CEMIP: variants seen among roughly 807,000 people sequenced by gnomAD.
CEMIP encodes cell migration inducing hyaluronidase 1.
CEMIP carries 105 observed loss-of-function variants against 156.9 expected under a neutral mutation model. The ratio of observed to expected loss-of-function variants is 0.67; its 90% confidence interval spans 0.57 to 0.79. The LOEUF (loss-of-function observed/expected upper bound fraction) is 0.79, where lower values mean the gene tolerates loss of function less well. CEMIP is among the 30% of genes least tolerant of loss of function. The probability of loss-of-function intolerance (pLI) is 0.00; values close to 1 mark genes in which losing one functional copy is unlikely to be tolerated. For missense variants in CEMIP, 1,457 were observed against 1,769.4 expected (o/e 0.82, Z 3.17); for synonymous variants, 676 against 668.4 (o/e 1.01, Z -0.17).
intron 3 of CEMIP, among the ~76,000 whole-genome samples, chr15:80,875,919 G>C (rs933630128): frequency 6.6e-6 from 1 of 152,162 alleles, no homozygotes; most frequent in Non-Finnish European, 1.5e-5. Flanking sequence ...TGTGGTGTCA[G>C]AGCTTCTGGA....
At chr15:80,819,513 A>C (rs1050144444) in intron 1 of CEMIP, among the ~76,000 whole-genome samples, 1 of 152,242 alleles carries the variant, frequency 6.6e-6, no homozygotes. Flanking sequence ...TGATCATGAC[A>C]GGATGTGACC....
intron 10 of CEMIP, among the ~76,000 whole-genome samples, chr15:80,889,962 C>T (rs1486569589): frequency 6.6e-6 from 1 of 152,206 alleles, no homozygotes; most frequent in Non-Finnish European, 1.5e-5. Context: ...GCAGGCCAGG[C>T]CAGCCCAGAT....
At chr15:80,812,346 C>T (rs537406166) in intron 1 of CEMIP, among the ~76,000 whole-genome samples, 50 of 152,290 alleles carry the variant, frequency 3.3e-4, no homozygotes, top group African/African-American at 1.2e-3. Context: ...GCTTCTAGGT[C>T]ATTTCCATAG....
chr15:80,880,624 T>C (rs1596154171), intron 5 of CEMIP, among the ~76,000 whole-genome samples: 1 of 152,136 alleles, frequency 6.6e-6, no homozygotes, highest in East Asian at 1.9e-4. Flanking sequence ...TTAGTAGAGA[T>C]GGAGTTTCAC....
intron 1 of CEMIP, among the ~76,000 whole-genome samples, chr15:80,783,791 C>T (rs2141557705): frequency 6.6e-6 from 1 of 152,338 alleles, no homozygotes; most frequent in South Asian, 2.1e-4. Flanking sequence ...TGGCACCAGG[C>T]TTTGTTCAAG....
chr15:80,920,927 A>C, intron 15 of CEMIP, 105 bp from the exon 16 acceptor site: 2 of 841,200 alleles, frequency 2.4e-6, no homozygotes, highest in Non-Finnish European at 4.0e-6. Flanking sequence ...CTCTGATAAG[A>C]GACTATCAGG....
intron 21 of CEMIP, among the ~76,000 whole-genome samples, chr15:80,930,797 G>A (rs530984330): frequency 5.5e-4 from 84 of 152,238 alleles, no homozygotes; most frequent in Non-Finnish European, 1.1e-3. Flanking sequence ...CTCTCCCTGT[G>A]GGCAGATATT....
At chr15:80,904,623 G>C (rs1223893425) in intron 12 of CEMIP, among the ~76,000 whole-genome samples, 2 of 152,210 alleles carry the variant, frequency 1.3e-5, no homozygotes, top group East Asian at 3.9e-4. Context: ...TCAGAAGAAA[G>C]TGACGTGATG....
At chr15:80,787,000 G>C (rs1426324055) in intron 1 of CEMIP, among the ~76,000 whole-genome samples, 1 of 152,228 alleles carries the variant, frequency 6.6e-6, no homozygotes, top group Non-Finnish European at 1.5e-5. Context: ...GGCTTGAAAA[G>C]AGGAGGCAAG....
chr15:80,942,230 T>G, intron 26 of CEMIP, 21 bp from the exon 27 acceptor site: 1 of 1,600,324 alleles, frequency 6.2e-7, no homozygotes, highest in Non-Finnish European at 8.6e-7. Context: ...ACAATTACAT[T>G]GGGTTCTATG....
chr15:80,820,512 A>C (rs1896886496), intron 1 of CEMIP, among the ~76,000 whole-genome samples: 1 of 152,214 alleles, frequency 6.6e-6, no homozygotes, highest in Non-Finnish European at 1.5e-5. Flanking sequence ...ATCAGTTACA[A>C]GGAGTAGCAG....
At chr15:80,827,810 A>G (rs773942807) in intron 1 of CEMIP, among the ~76,000 whole-genome samples, 1 of 152,154 alleles carries the variant, frequency 6.6e-6, no homozygotes, top group South Asian at 2.1e-4. Flanking sequence ...TCCTCCCTCC[A>G]TCTCCCTCAA....
chr15:80,836,789 G>A (rs1484586956), intron 1 of CEMIP, among the ~76,000 whole-genome samples: 2 of 152,124 alleles, frequency 1.3e-5, no homozygotes, highest in African/African-American at 4.8e-5. Flanking sequence ...TTATCCAACA[G>A]GGCATTCAGC....
At position 80,884,241 on chromosome 15, in the gene CEMIP, T is replaced by C. The variant is rs1390345535; in HGVS notation, c.684T>C (p.Asp228=). 1.2e-5 allele frequency: 20 copies of C among 1,614,110 alleles called. No homozygotes were observed. Among genetic ancestry groups the C allele is most frequent in the East Asian group, 4.5e-5 (2 of 44,892 alleles). The change falls in exon 7 of 30, where the codon GAT becomes GAC. Residue 228 remains aspartate (D), a synonymous_variant. Transcript: ENST00000394685. ...RLVQYLNAVP[D]GRILSVAVND... ...TCCAGTATTTGAACGCGGTGCCCGA[T>C]GGCAGGATCCTTTCTGTTGCAGTGA...
chr15:80,840,911 G>T (rs565025241), intron 1 of CEMIP, among the ~76,000 whole-genome samples: 3 of 152,342 alleles, frequency 2.0e-5, no homozygotes, highest in Non-Finnish European at 4.4e-5. Flanking sequence ...CAGCCACCAT[G>T]CCTCACCTTC....
At chr15:80,874,327 C>T (rs1211518858) in intron 3 of CEMIP, among the ~76,000 whole-genome samples, 3 of 152,240 alleles carry the variant, frequency 2.0e-5, no homozygotes, top group Non-Finnish European at 2.9e-5. Flanking sequence ...TCTAGCCAAT[C>T]GCTACTGCGG....
chr15:80,879,958 T>C (rs1567080393), intron 5 of CEMIP, 104 bp downstream of exon 5: 6 of 1,300,884 alleles, frequency 4.6e-6, no homozygotes, highest in Non-Finnish European at 5.5e-6. Flanking sequence ...GCCTGTAAGA[T>C]AGGAATCATT....
intron 14 of CEMIP, among the ~76,000 whole-genome samples, chr15:80,916,939 G>A (rs1900296464): frequency 6.6e-6 from 1 of 152,184 alleles, no homozygotes; most frequent in Non-Finnish European, 1.5e-5. Context: ...GTTGAGTATT[G>A]ATTGACACAC....
rs371548654 is a variant in CEMIP at position 80,942,325 on chromosome 15, C to T, written c.3687C>T (p.Phe1229=). 8.7e-6 allele frequency: 14 copies of T among 1,613,760 alleles called. No homozygotes were observed. Among genetic ancestry groups the T allele is most frequent in the Admixed American group, 1.7e-5 (1 of 60,012 alleles). ...ACTTCTTCCACCTCTGGAACGACTT[C>T]GCTTACATTGAAGTAAGTGCCTCTG... ...KQHFFHLWND[F]AYIEVDGKKY... is the part of the protein sequence containing the mutation. The change falls in exon 27 of 30, where the codon TTC becomes TTT. Residue 1229 remains phenylalanine (F), a synonymous_variant. Transcript: ENST00000394685.
Sources: gnomAD v4.1 joint callset for allele counts (sites outside exome capture counted in the v4.1 genomes callset) on GRCh38, gnomAD v4.1.1 for gene constraint, MANE v1.5 for transcripts, NCBI Gene and HGNC (gene_info 2026-07-23, HGNC 2026-07-21) for gene names.